PARD3: variants seen among roughly 807,000 people sequenced by gnomAD.
PARD3 encodes the protein par-3 family cell polarity regulator, also known as partitioning defective 3 homolog.
A neutral mutation model predicts 155.4 loss-of-function variants in PARD3; 75 were observed. The ratio of observed to expected loss-of-function variants is 0.48; its 90% CI spans 0.40 to 0.58. PARD3 has a LOEUF of 0.58. Ranked by LOEUF, PARD3 falls within the 20% of genes least tolerant of loss-of-function variation. PARD3 has a pLI of 0.00. For synonymous variants in PARD3, 576 were observed against 610.5 expected (o/e 0.94, Z 0.83); for missense variants, 1,642 against 1,721.7 (o/e 0.95, Z 0.82).
intron 1 of PARD3, among the ~76,000 whole-genome samples, chr10:34,785,662 A>G (rs1840869668): frequency 6.6e-6 from 1 of 152,168 alleles, no homozygotes; most frequent in African/African-American, 2.4e-5. Context: ...GCCTGAGCCC[A>G]GGATTTCAAA....
chr10:34,706,313 T>C (rs951539083), intron 1 of PARD3, among the ~76,000 whole-genome samples: 27 of 152,272 alleles, frequency 1.8e-4, no homozygotes, highest in African/African-American at 6.3e-4. Context: ...CCAGCCCAGG[T>C]CTGCTGATTT....
At chr10:34,777,123 C>T (rs112236284) in intron 1 of PARD3, among the ~76,000 whole-genome samples, 11,501 of 151,018 alleles carry the variant, frequency 0.076, 1,481 homozygotes, top group African/African-American at 0.27. Context: ...AGTGCTGGGA[C>T]TACAGGCGTG....
chr10:34,776,840 G>C (rs1564608861), intron 1 of PARD3, among the ~76,000 whole-genome samples: 2 of 130,550 alleles, frequency 1.5e-5, no homozygotes, highest in East Asian at 2.7e-4. Flanking sequence ...TTTTGTGGGG[G>C]GGGGGGGCGG....
At chr10:34,741,572 A>G (rs78928156) in intron 1 of PARD3, among the ~76,000 whole-genome samples, 5,501 of 152,290 alleles carry the variant, frequency 0.036, 137 homozygotes, top group Non-Finnish European at 0.051. Context: ...ACACCAATCC[A>G]TGCAGAAGCG....
intron 2 of PARD3, among the ~76,000 whole-genome samples, chr10:34,693,585 C>T (rs1343190229): frequency 6.6e-6 from 1 of 152,090 alleles, no homozygotes; most frequent in Non-Finnish European, 1.5e-5. Context: ...GGGAGAGGAT[C>T]AAAAAATTAG....
chr10:34,326,525 G>A (rs190917923), intron 19 of PARD3, among the ~76,000 whole-genome samples: 138 of 152,298 alleles, frequency 9.1e-4, no homozygotes, highest in African/African-American at 2.9e-3. Context: ...TAGATTTACT[G>A]TAATCCACTG....
chr10:34,278,260 C>A (rs1447630182), intron 21 of PARD3, among the ~76,000 whole-genome samples: 1 of 152,100 alleles, frequency 6.6e-6, no homozygotes, highest in African/African-American at 2.4e-5. Flanking sequence ...GTTGCCCAGG[C>A]TGGTATCGAA....
intron 3 of PARD3, among the ~76,000 whole-genome samples, chr10:34,476,566 C>T (rs2078718522): frequency 6.6e-6 from 1 of 152,180 alleles, no homozygotes; most frequent in African/African-American, 2.4e-5. Flanking sequence ...ACATCAGTCA[C>T]CTCTCTGGGC....
At chr10:34,324,826 C>T (rs1410240272) in intron 19 of PARD3, among the ~76,000 whole-genome samples, 1 of 152,130 alleles carries the variant, frequency 6.6e-6, no homozygotes, top group African/African-American at 2.4e-5. Flanking sequence ...CAGTTTCTTC[C>T]TTTGCTCTGG....
intron 20 of PARD3, among the ~76,000 whole-genome samples, chr10:34,289,200 G>A (rs906591341): frequency 3.3e-5 from 5 of 151,700 alleles, no homozygotes; most frequent in African/African-American, 1.2e-4. Context: ...TTGAGGGGAG[G>A]GTGTTGGGGG....
At position 34,364,020 on chromosome 10, in the gene PARD3, C is replaced by A. The variant is rs372457969; in HGVS notation, c.1708-3761G>T. The stretch of plus-strand genomic sequence containing the variant: ...CTATCTGCAGTGAGACAAAGAGTCA[C>A]AAGTGGGCACCATCATGGCCCCCTT... On this transcript the variant is annotated intron_variant, in intron 12 of 24. Transcript: ENST00000374788. Among the ~76,000 whole-genome samples, 29 of 152,310 alleles carry A rather than the reference C, an allele frequency of 1.9e-4. No individual in the cohort carries two copies. The East Asian group carries it at 5.2e-3, about 27-fold the overall frequency.
intron 2 of PARD3, among the ~76,000 whole-genome samples, chr10:34,684,774 T>TACATAC (rs1195923465): frequency 1.5e-3 from 164 of 109,194 alleles, no homozygotes; most frequent in African/African-American, 4.4e-3. Flanking sequence ...GGCTTGATGA[T>TACATAC]ACATACACAC....
intron 20 of PARD3, among the ~76,000 whole-genome samples, chr10:34,308,898 C>A (rs1957552792): frequency 6.6e-6 from 1 of 152,032 alleles, no homozygotes. Flanking sequence ...GCAAAGGAGA[C>A]AAGACAGGGT....
At chr10:34,653,271 C>A (rs2093068870) in intron 2 of PARD3, among the ~76,000 whole-genome samples, 1 of 152,146 alleles carries the variant, frequency 6.6e-6, no homozygotes, top group South Asian at 2.1e-4. Context: ...GTTTCTGATA[C>A]TAAAATGTGC....
chr10:34,539,270 C>A (rs569032833), intron 2 of PARD3, among the ~76,000 whole-genome samples: 1 of 152,268 alleles, frequency 6.6e-6, no homozygotes, highest in East Asian at 1.9e-4. Context: ...CATGAGGACT[C>A]TTAAGTTTTC....
chr10:34,346,104 C>T (rs1323386156), intron 15 of PARD3: 22 of 1,004,374 alleles, frequency 2.2e-5, no homozygotes, highest in Non-Finnish European at 2.5e-5. Flanking sequence ...AAACACAGAA[C>T]TGGGAGAGAA....
chr10:34,685,430 C>CA (rs1351253653), intron 2 of PARD3, among the ~76,000 whole-genome samples: 6 of 152,020 alleles, frequency 3.9e-5, no homozygotes, highest in African/African-American at 1.4e-4. Flanking sequence ...ACCTGATCAG[C>CA]AAAAAACAGT....
At chr10:34,251,148 T>G (rs1260649631) in intron 22 of PARD3, among the ~76,000 whole-genome samples, 2 of 152,188 alleles carry the variant, frequency 1.3e-5, no homozygotes, top group African/African-American at 4.8e-5. Flanking sequence ...TTAGCAGCAG[T>G]ATGTAAGGTA....
intron 22 of PARD3, among the ~76,000 whole-genome samples, chr10:34,218,416 G>A (rs1478355144): frequency 6.6e-6 from 1 of 152,154 alleles, no homozygotes; most frequent in African/African-American, 2.4e-5. Context: ...TCACCCTGAA[G>A]ATGTGAGTCA....
Sources: gnomAD v4.1 joint callset for allele counts (sites outside exome capture counted in the v4.1 genomes callset) on GRCh38, gnomAD v4.1.1 for gene constraint, MANE v1.5 for transcripts, NCBI Gene and HGNC (gene_info 2026-07-23, HGNC 2026-07-21) for gene names.